Variants in USP53 observed in about 807,000 individuals in gnomAD.
USP53 encodes ubiquitin carboxyl-terminal hydrolase 53.
USP53 carries 71 observed loss-of-function variants against 94.9 expected under a neutral mutation model. That is an observed-to-expected ratio of 0.75 (90% confidence interval 0.62 to 0.91). The LOEUF is 0.91. Ranked by LOEUF, USP53 falls within the 40% of genes least tolerant of loss-of-function variation. USP53 has a pLI of 0.00. For missense variants in USP53, 1,173 were observed against 1,281.0 expected, an observed-to-expected ratio of 0.92 and a Z score of 1.29; for synonymous variants, 375 against 422.7, an observed-to-expected ratio of 0.89 and a Z score of 1.39.
chr4:119,291,348 C>A (rs1754741673), intron 18 of USP53, 87 bp downstream of exon 18: 1 of 804,746 alleles, frequency 1.2e-6, no homozygotes, highest in Admixed American at 2.9e-5. Flanking sequence ...ACTTTGAAAG[C>A]AATGGGTCTA....
intron 17 of USP53, among the ~76,000 whole-genome samples, chr4:119,283,162 A>T (rs1046303286): frequency 2.0e-5 from 3 of 151,982 alleles, no homozygotes; most frequent in African/African-American, 7.2e-5. Flanking sequence ...CCACAATGCC[A>T]TTTGTAATGT....
intron 10 of USP53, 25 bp downstream of exon 10, chr4:119,259,950 G>T: frequency 6.5e-7 from 1 of 1,528,392 alleles, no homozygotes; most frequent in East Asian, 2.3e-5. Flanking sequence ...GAGAATATTA[G>T]TATGCTTCTT....
At position 119,271,495 on chromosome 4, in the gene USP53, A is replaced by G; in HGVS notation, c.1635A>G (p.Lys545=). The change falls in exon 16 of 19, where the codon AAA becomes AAG. Residue 545 remains lysine, a synonymous_variant. Coordinates refer to ENST00000692078, the MANE Select transcript of USP53 (RefSeq NM_001371395.1). The part of the protein sequence containing the change: ...SKSQILAPGE[K]ITGKVKSDNG... Reference sequence around the variant, plus strand: ...CCCAGATTCTTGCTCCAGGAGAGAAAATAACTGGCAAAGTTAAGAGTGACA... The same window carrying G: ...CCCAGATTCTTGCTCCAGGAGAGAAGATAACTGGCAAAGTTAAGAGTGACA... 3 of 1,613,448 alleles carry G rather than the reference A, an allele frequency of 1.9e-6. No individual in the cohort carries two copies. The highest frequency in any genetic ancestry group is 2.5e-6 in the Non-Finnish European group (3 of 1,179,926).
intron 17 of USP53, among the ~76,000 whole-genome samples, chr4:119,279,810 G>A (rs1273975405): frequency 2.0e-5 from 3 of 152,208 alleles, no homozygotes; most frequent in African/African-American, 4.8e-5. Context: ...GTGGTTCGCC[G>A]CTTTTTAAGC....
intron 17 of USP53, among the ~76,000 whole-genome samples, chr4:119,282,763 C>T (rs1460583768): frequency 2.0e-5 from 3 of 151,988 alleles, no homozygotes; most frequent in Admixed American, 6.5e-5. Context: ...TTTTTTCCCC[C>T]AATAAGGGAC....
At chr4:119,259,566 C>T (rs1750217432) in intron 9 of USP53, among the ~76,000 whole-genome samples, 2 of 152,094 alleles carry the variant, frequency 1.3e-5, no homozygotes, top group Non-Finnish European at 2.9e-5. Flanking sequence ...ATGTTAGCCT[C>T]ATTTATCTAG....
chr4:119,257,334 C>T (rs745433847), intron 9 of USP53, among the ~76,000 whole-genome samples: 7 of 152,042 alleles, frequency 4.6e-5, no homozygotes, highest in Non-Finnish European at 7.4e-5. Flanking sequence ...CCAGCTCTTC[C>T]GGAGGCTGAG....
At chr4:119,288,732 T>G (rs568155745) in intron 17 of USP53, among the ~76,000 whole-genome samples, 30 of 151,924 alleles carry the variant, frequency 2.0e-4, no homozygotes, top group Middle Eastern at 3.4e-3. Flanking sequence ...AGGTTTGGAG[T>G]TCGAGACCAG....
chr4:119,250,736 G>A (rs902546734), intron 7 of USP53, among the ~76,000 whole-genome samples: 4 of 152,102 alleles, frequency 2.6e-5, no homozygotes, highest in African/African-American at 9.7e-5. Context: ...TTAAGCTTTG[G>A]TAAAAAGAAT....
At chr4:119,253,060 A>G (rs1437341724) in intron 7 of USP53, among the ~76,000 whole-genome samples, 2 of 151,898 alleles carry the variant, frequency 1.3e-5, no homozygotes, top group African/African-American at 4.8e-5. Flanking sequence ...GAGATTCTTA[A>G]TCCTGATTTC....
chr4:119,269,797 T>C lies in USP53; in HGVS notation c.1395T>C (p.Asp465=). ...ACTTACTTTCTTCACAAAGGAAAGA[T>C]TTAGAGAAGGGACAAAGAAAAGATT... ...QKNLLSSQRK[D]LEKGQRKDLG... The change falls in exon 15 of 19, where the codon GAT becomes GAC. Residue 465 remains aspartate (D), a synonymous_variant. Coordinates refer to ENST00000692078, the MANE Select transcript of USP53 (RefSeq NM_001371395.1). 4 of 1,525,476 alleles carry C rather than the reference T, an allele frequency of 2.6e-6. No individual in the cohort carries two copies. The highest frequency in any genetic ancestry group is 3.5e-6 in the Non-Finnish European group (4 of 1,137,936). The allele number at this position is 1,525,476 out of a possible 1,614,324, so 94.5% of individuals were successfully genotyped here.
intron 5 of USP53, among the ~76,000 whole-genome samples, chr4:119,244,197 T>G (rs1434344115): frequency 6.6e-6 from 1 of 152,176 alleles, no homozygotes; most frequent in East Asian, 1.9e-4. Flanking sequence ...GATATGATAC[T>G]CAAGAAAGTT....
intron 2 of USP53, among the ~76,000 whole-genome samples, chr4:119,216,761 A>G (rs957262392): frequency 1.3e-5 from 2 of 152,196 alleles, no homozygotes; most frequent in Admixed American, 1.3e-4. Flanking sequence ...TCATTGAACA[A>G]TTTATCTGAT....
At chr4:119,274,253 C>T (rs1009982485) in intron 17 of USP53, among the ~76,000 whole-genome samples, 1 of 124,414 alleles carries the variant, frequency 8.0e-6, no homozygotes, top group Non-Finnish European at 1.6e-5. Flanking sequence ...CCCCCTCCCC[C>T]CACCCCACCG....
chr4:119,282,637 T>A (rs1046992249), intron 17 of USP53, among the ~76,000 whole-genome samples: 6 of 152,100 alleles, frequency 3.9e-5, no homozygotes, highest in African/African-American at 7.2e-5. Context: ...CTTCAGAACA[T>A]CTGTTTGTGT....
At chr4:119,291,076 A>T in intron 17 of USP53, 89 bp from the exon 18 acceptor site, 2 of 635,922 alleles carry the variant, frequency 3.1e-6, no homozygotes, top group Non-Finnish European at 5.0e-6. Context: ...TTATGTAAAT[A>T]TAGAAAAGTA....
At chr4:119,247,716 T>C (rs560318700) in intron 6 of USP53, among the ~76,000 whole-genome samples, 1 of 152,134 alleles carries the variant, frequency 6.6e-6, no homozygotes, top group African/African-American at 2.4e-5. Context: ...AATCAATGAG[T>C]GACAGTCTCG....
intron 17 of USP53, among the ~76,000 whole-genome samples, chr4:119,285,232 T>A (rs1753953714): frequency 6.6e-6 from 1 of 151,858 alleles, no homozygotes; most frequent in Non-Finnish European, 1.5e-5. Context: ...GAGCAGATAC[T>A]GATTAGTGTG....
chr4:119,273,760 A>G, intron 17 of USP53, 52 bp downstream of exon 17: 1 of 1,460,202 alleles, frequency 6.8e-7, no homozygotes, highest in Non-Finnish European at 9.4e-7. Context: ...AATTATAGTA[A>G]TTTATTGTTT....
Sources: gnomAD v4.1 joint callset for allele counts (sites outside exome capture counted in the v4.1 genomes callset) on GRCh38, gnomAD v4.1.1 for gene constraint, MANE v1.5 for transcripts, NCBI Gene and HGNC (gene_info 2026-07-23, HGNC 2026-07-21) for gene names.